Variants in CCBE1 observed in about 807,000 individuals in gnomAD.
The protein encoded by CCBE1 is collagen and calcium binding EGF domains 1.
Under a neutral mutation model 50.0 loss-of-function variants are expected in CCBE1, and 37 were observed. That is an observed-to-expected ratio of 0.74 (90% confidence interval 0.57 to 0.97). The LOEUF (loss-of-function observed/expected upper bound fraction) is 0.97, where lower values mean the gene tolerates loss of function less well. Among genes scored for constraint, CCBE1 ranks in the 50% least tolerant of loss-of-function variants. The pLI, the probability that CCBE1 is intolerant of heterozygous loss-of-function variation, is 0.00. For synonymous variants in CCBE1, 234 were observed against 203.7 expected (o/e 1.15, Z -1.27); for missense variants, 538 against 523.8 (o/e 1.03, Z -0.26).
At chr18:59,494,816 C>T (rs558547094) in intron 2 of CCBE1, among the ~76,000 whole-genome samples, 2 of 152,108 alleles carry the variant, frequency 1.3e-5, no homozygotes, top group Non-Finnish European at 2.9e-5. Flanking sequence ...GGAGCTCTAG[C>T]GACGACCTGC....
intron 10 of CCBE1, among the ~76,000 whole-genome samples, chr18:59,437,274 C>G: frequency 6.6e-6 from 1 of 152,212 alleles, no homozygotes; most frequent in East Asian, 1.9e-4. Flanking sequence ...GTTATCATCT[C>G]CCGCAACTGC....
intron 7 of CCBE1, among the ~76,000 whole-genome samples, chr18:59,443,912 C>T (rs1017697742): frequency 3.9e-5 from 6 of 152,182 alleles, no homozygotes; most frequent in African/African-American, 1.4e-4. Context: ...CTCTGCTCAG[C>T]CCCTGATAAC....
intron 2 of CCBE1, among the ~76,000 whole-genome samples, chr18:59,577,004 C>T (rs566696811): frequency 6.6e-6 from 1 of 152,298 alleles, no homozygotes. Flanking sequence ...AAACATGGTA[C>T]TAAGCTAAAG....
intron 2 of CCBE1, among the ~76,000 whole-genome samples, chr18:59,540,505 G>C (rs1184503907): frequency 6.6e-6 from 1 of 152,142 alleles, no homozygotes; most frequent in Non-Finnish European, 1.5e-5. Flanking sequence ...AGGGAAATAG[G>C]GGGTGTTGCT....
chr18:59,597,581 G>A (rs1028429066), intron 2 of CCBE1, among the ~76,000 whole-genome samples: 8 of 152,178 alleles, frequency 5.3e-5, no homozygotes, highest in Non-Finnish European at 1.0e-4. Context: ...AGTAGTAGAA[G>A]AAAGGTGAGT....
In CCBE1 at chr18:59,454,912, C is replaced by T. The variant is rs748074966; in HGVS notation, c.593G>A (p.Cys198Tyr). ...KSENMVKAGT[C>Y]CATCKEFYQM... is the part of the protein sequence containing the mutation. ...GTAGAACTCCTTGCATGTGGCACAG[C>T]AAGTTCCGGCTTTCACCATGTTCTC... Residue 198 changes from cysteine (C) to tyrosine (Y), a missense_variant, in exon 6 of 11, where the codon TGC becomes TAC. Transcript: ENST00000439986. The T allele has an allele frequency of 1.2e-6, 2 of 1,614,098 alleles. No homozygotes were observed. Among genetic ancestry groups the T allele is most frequent in the African/African-American group, 2.7e-5 (2 of 74,950 alleles).
chr18:59,605,548 A>G (rs998942064), intron 2 of CCBE1, among the ~76,000 whole-genome samples: 2 of 152,220 alleles, frequency 1.3e-5, no homozygotes, highest in African/African-American at 4.8e-5. Context: ...CTGGTCAGCC[A>G]TTCTGCATAA....
intron 2 of CCBE1, among the ~76,000 whole-genome samples, chr18:59,627,303 A>C (rs940107658): frequency 3.9e-5 from 6 of 152,206 alleles, no homozygotes; most frequent in Admixed American, 6.5e-5. Flanking sequence ...TGTAGTCTAA[A>C]TTTTTACAAA....
chr18:59,630,803 G>T (rs1029066619), intron 2 of CCBE1, among the ~76,000 whole-genome samples: 4 of 152,154 alleles, frequency 2.6e-5, no homozygotes, highest in Admixed American at 1.3e-4. Flanking sequence ...ATGTATCTTT[G>T]ATTTTGTACC....
At chr18:59,515,620 A>C (rs920265983) in intron 2 of CCBE1, among the ~76,000 whole-genome samples, 2 of 152,220 alleles carry the variant, frequency 1.3e-5, no homozygotes, top group East Asian at 1.9e-4. Flanking sequence ...AAATAGTAAG[A>C]AAAATTATTT....
chr18:59,514,463 C>A (rs1914275348), intron 2 of CCBE1, among the ~76,000 whole-genome samples: 1 of 152,088 alleles, frequency 6.6e-6, no homozygotes. Context: ...CACCAGCAAT[C>A]TCACAAGCTA....
At chr18:59,627,020 T>C (rs1335901896) in intron 2 of CCBE1, among the ~76,000 whole-genome samples, 2 of 152,204 alleles carry the variant, frequency 1.3e-5, no homozygotes, top group African/African-American at 4.8e-5. Flanking sequence ...TCATGTTGAT[T>C]TAGTTGATGA....
At chr18:59,475,131 C>T (rs1912244795) in intron 3 of CCBE1, among the ~76,000 whole-genome samples, 1 of 152,142 alleles carries the variant, frequency 6.6e-6, no homozygotes, top group African/African-American at 2.4e-5. Flanking sequence ...TAGCTTTTAT[C>T]TTTACAGTGT....
At chr18:59,586,622 G>C (rs924081868) in intron 2 of CCBE1, among the ~76,000 whole-genome samples, 2 of 152,178 alleles carry the variant, frequency 1.3e-5, no homozygotes, top group African/African-American at 4.8e-5. Context: ...TCTGCGATGG[G>C]AAAGAAAAGT....
intron 2 of CCBE1, among the ~76,000 whole-genome samples, chr18:59,628,288 A>T (rs2053812411): frequency 6.6e-6 from 1 of 152,190 alleles, no homozygotes; most frequent in South Asian, 2.1e-4. Context: ...ATATTACACA[A>T]GGATCCACTA....
Position 59,435,934 on chromosome 18 carries a change from T to C in CCBE1, c.1195A>G (p.Arg399Gly). The C allele has an allele frequency of 6.2e-7, 1 of 1,614,180 alleles. No homozygotes were observed. The highest frequency in any genetic ancestry group is 8.5e-7 in the Non-Finnish European group (1 of 1,180,022). ...HPRRTETRDL[R>G]APRDFYP ...TATGGGTAGAAGTCTCTGGGGGCTC[T>C]CAAGTCTCTTGTCTCAGTTCTTCTT... Residue 399 changes from arginine to glycine, a missense_variant, in exon 11 of 11, where the codon AGA (arginine) becomes GGA (glycine). By Grantham distance (125) the Arg-to-Gly change is moderately radical (BLOSUM62 -2). Coordinates refer to ENST00000439986, the MANE Select transcript of CCBE1 (RefSeq NM_133459.4).
intron 2 of CCBE1, among the ~76,000 whole-genome samples, chr18:59,581,855 C>T (rs1166327275): frequency 2.0e-5 from 3 of 152,140 alleles, no homozygotes; most frequent in South Asian, 4.1e-4. Context: ...AAAGCCCCCA[C>T]CTCCCCGCTG....
At chr18:59,502,359 G>C (rs889502515) in intron 2 of CCBE1, among the ~76,000 whole-genome samples, 4 of 152,198 alleles carry the variant, frequency 2.6e-5, no homozygotes, top group Non-Finnish European at 5.9e-5. Context: ...TGTGTGTGAG[G>C]TAAGAGTCAT....
In CCBE1 at chr18:59,448,092, G is replaced by T; in HGVS notation, c.666C>A (p.Leu222=). 2 of 1,614,070 alleles carry T rather than the reference G, an allele frequency of 1.2e-6. No individual in the cohort carries two copies. The highest frequency in any genetic ancestry group is 1.7e-6 in the Non-Finnish European group (2 of 1,180,026). Residue 222 remains leucine, a synonymous_variant, in exon 7 of 11, where the codon CTC becomes CTA. Transcript: ENST00000439986. ...VLQLKQKIAL[L]PNNAADLGKY... ...TGCCCAGGTCAGCTGCATTGTTGGG[G>T]AGCAGAGCAATCTGCAAGGAGAAGA...
Sources: allele counts gnomAD v4.1 joint callset (sites outside exome capture counted in the v4.1 genomes callset), GRCh38; gene constraint gnomAD v4.1.1; transcripts MANE v1.5; gene names NCBI Gene and HGNC (gene_info 2026-07-23, HGNC 2026-07-21).